The following NCOA1 variants were observed in gnomAD, a reference collection of about 807,000 sequenced individuals.
NCOA1 encodes the protein Hin-2 protein.
Under a neutral mutation model 150.9 loss-of-function variants are expected in NCOA1, and 35 were observed. That is an observed-to-expected ratio of 0.23 (90% confidence interval 0.18 to 0.31). The LOEUF (loss-of-function observed/expected upper bound fraction) is 0.31, where lower values mean the gene tolerates loss of function less well. NCOA1 is among the 10% of genes least tolerant of loss of function. NCOA1 has a pLI of 1.00. For missense variants in NCOA1, 1,491 were observed against 1,749.3 expected (o/e 0.85, Z 2.63); for synonymous variants, 590 against 630.0 (o/e 0.94, Z 0.95).
rs79441788 is a variant in NCOA1, at chr2:24,601,853, C to T, written c.-175+17293C>T. On this transcript the variant is annotated intron_variant, in intron 3 of 22. Transcript: ENST00000348332. ...GTTTCACCGTGTTGCCCAGGCTGGT[C>T]GTAAACTCCTGAGCTCAGGCAGTCC... is the stretch of plus-strand genomic sequence containing the variant. Among the ~76,000 whole-genome samples, 221 of 152,024 alleles carry T rather than the reference C, an allele frequency of 1.5e-3. 2 individuals are homozygous for T. The highest frequency in any genetic ancestry group is 2.0e-3 in the Non-Finnish European group (135 of 67,972).
intron 1 of NCOA1, among the ~76,000 whole-genome samples, chr2:24,536,696 T>C (rs539757449): frequency 6.6e-6 from 1 of 152,224 alleles, no homozygotes; most frequent in South Asian, 2.1e-4. Flanking sequence ...GTTTTCCTTC[T>C]AACACTCAGG....
chr2:24,539,328 A>G (rs1005091750), intron 1 of NCOA1, among the ~76,000 whole-genome samples: 1 of 152,180 alleles, frequency 6.6e-6, no homozygotes, highest in Non-Finnish European at 1.5e-5. Flanking sequence ...TTGGGGAAGG[A>G]AGCATTAGAG....
chr2:24,684,649 G>A (rs955800080), intron 8 of NCOA1, among the ~76,000 whole-genome samples: 1 of 152,234 alleles, frequency 6.6e-6, no homozygotes. Context: ...TTTTGCTACA[G>A]AGATATCTTT....
intron 3 of NCOA1, among the ~76,000 whole-genome samples, chr2:24,628,844 G>A (rs142882357): frequency 2.4e-4 from 36 of 152,268 alleles, no homozygotes; most frequent in African/African-American, 8.4e-4. Flanking sequence ...GACCAGTGTG[G>A]TTAAAGCATA....
rs184560459 is a variant in NCOA1 at position 24,712,105 on chromosome 2, A to T, written c.2599+994A>T. On this transcript the variant is annotated intron_variant, in intron 14 of 22. Transcript: ENST00000348332. The stretch of plus-strand genomic sequence containing the variant: ...TTTTAGCTGACCAGAGTATTAGAGG[A>T]AGAGTCAGAAGCCTAGATTCAAATC... 2.8e-3 allele frequency among the ~76,000 whole-genome samples: 421 copies of T among 152,350 alleles called. 2 individuals are homozygous for T. The highest frequency in any genetic ancestry group is 9.8e-3 in the African/African-American group (407 of 41,588).
intron 3 of NCOA1, among the ~76,000 whole-genome samples, chr2:24,628,835 A>C (rs1169520711): frequency 1.3e-5 from 2 of 152,142 alleles, no homozygotes; most frequent in Non-Finnish European, 2.9e-5. Flanking sequence ...TTTAGGAAAG[A>C]CCAGTGTGGT....
At chr2:24,567,275 T>A (rs1282680454) in intron 2 of NCOA1, among the ~76,000 whole-genome samples, 1 of 152,252 alleles carries the variant, frequency 6.6e-6, no homozygotes, top group Non-Finnish European at 1.5e-5. Flanking sequence ...TGTTTTCTTG[T>A]TGGCGTTTGA....
At chr2:24,687,900 C>T (rs56024877) in intron 8 of NCOA1, among the ~76,000 whole-genome samples, 6,604 of 152,276 alleles carry the variant, frequency 0.043, 222 homozygotes, top group African/African-American at 0.096. Context: ...TCCTCTTACT[C>T]CTGCCAGCCT....
At chr2:24,745,014 G>A (rs1449368763) in intron 19 of NCOA1, among the ~76,000 whole-genome samples, 2 of 152,162 alleles carry the variant, frequency 1.3e-5, no homozygotes, top group African/African-American at 4.8e-5. Flanking sequence ...TAGGCCCAAA[G>A]TAAATGAAGG....
intron 11 of NCOA1, among the ~76,000 whole-genome samples, chr2:24,702,429 T>C (rs1023018375): frequency 1.3e-5 from 2 of 152,168 alleles, no homozygotes; most frequent in African/African-American, 4.8e-5. Flanking sequence ...TTTTTTCACC[T>C]GCCTATTTTG....
At chr2:24,715,814 TCAAC>T (rs1477714305) in intron 14 of NCOA1, among the ~76,000 whole-genome samples, 1 of 152,118 alleles carries the variant, frequency 6.6e-6, no homozygotes, top group African/African-American at 2.4e-5. Flanking sequence ...TATTCCAAAA[TCAAC>T]CCATGTAAAT....
At chr2:24,573,892 G>A (rs1313303848) in intron 2 of NCOA1, among the ~76,000 whole-genome samples, 1 of 151,876 alleles carries the variant, frequency 6.6e-6, no homozygotes, top group Non-Finnish European at 1.5e-5. Context: ...GTGCTTAGAA[G>A]TAGATTAATA....
At chr2:24,602,037 T>G (rs1179474038) in intron 3 of NCOA1, among the ~76,000 whole-genome samples, 1 of 152,218 alleles carries the variant, frequency 6.6e-6, no homozygotes, top group Non-Finnish European at 1.5e-5. Context: ...TTTAATTTTT[T>G]CTTGTTACTT....
rs1665188192 is a variant in NCOA1 at position 24,768,641 on chromosome 2, C to G, written c.*250C>G. On this transcript the variant is annotated 3_prime_UTR_variant, in exon 23 of 23. Coordinates refer to ENST00000348332, the MANE Select transcript of NCOA1 (RefSeq NM_003743.5). ...TACCAAGGCAGAACAGTTGGACAAT[C>G]TATTTCTTGAGCCAAATTTAATTAT... 7.1e-6 allele frequency: 2 copies of G among 281,614 alleles called. No individual in the cohort carries two copies. The highest frequency in any genetic ancestry group is 5.1e-5 in the Admixed American group (1 of 19,616). The allele number at this position is 281,614 out of a possible 1,614,324, so 17.4% of individuals were successfully genotyped here.
intron 2 of NCOA1, among the ~76,000 whole-genome samples, chr2:24,576,170 G>GTTTTT (rs869093026): frequency 2.2e-5 from 1 of 46,328 alleles, no homozygotes; most frequent in African/African-American, 6.4e-5. Flanking sequence ...TTTGTTTTTT[G>GTTTTT]TTTTTTTTTT....
intron 3 of NCOA1, among the ~76,000 whole-genome samples, chr2:24,587,134 C>T (rs1229930580): frequency 6.6e-6 from 1 of 151,856 alleles, no homozygotes; most frequent in African/African-American, 2.4e-5. Flanking sequence ...GAACTCCCCT[C>T]GTACTGCTCC....
At chr2:24,514,531 G>A (rs944175886) in intron 1 of NCOA1, among the ~76,000 whole-genome samples, 1 of 151,898 alleles carries the variant, frequency 6.6e-6, no homozygotes, top group Non-Finnish European at 1.5e-5. Flanking sequence ...GACCAGGTGT[G>A]GTAGCTCACA....
At chr2:24,543,918 T>A (rs1316176082) in intron 1 of NCOA1, among the ~76,000 whole-genome samples, 2 of 152,152 alleles carry the variant, frequency 1.3e-5, no homozygotes, top group African/African-American at 2.4e-5. Context: ...CAGATTGTAG[T>A]GTGAATGGAT....
intron 1 of NCOA1, among the ~76,000 whole-genome samples, chr2:24,545,924 G>C (rs1665589213): frequency 6.6e-6 from 1 of 152,062 alleles, no homozygotes; most frequent in Non-Finnish European, 1.5e-5. Context: ...TGAGTAGGTG[G>C]GATTACAAGT....
Sources: gnomAD v4.1 joint callset for allele counts (sites outside exome capture counted in the v4.1 genomes callset) on GRCh38, gnomAD v4.1.1 for gene constraint, MANE v1.5 for transcripts, NCBI Gene and HGNC (gene_info 2026-07-23, HGNC 2026-07-21) for gene names.